Variants in BRI3BP observed in about 807,000 individuals in gnomAD.
BRI3BP encodes the protein BRI3-binding protein.
A neutral mutation model predicts 15.8 loss-of-function variants in BRI3BP; 7 were observed. That is an observed-to-expected ratio of 0.44 (90% confidence interval 0.25 to 0.83). The LOEUF (loss-of-function observed/expected upper bound fraction) is 0.83. BRI3BP is among the 40% of genes least tolerant of loss of function. The probability of loss-of-function intolerance (pLI) is 0.20; values close to 1 mark genes in which losing one functional copy is unlikely to be tolerated. For synonymous variants in BRI3BP, 192 were observed against 163.5 expected (o/e 1.17, Z -1.33); for missense variants, 320 against 339.3 (o/e 0.94, Z 0.45).
intron 2 of BRI3BP, among the ~76,000 whole-genome samples, chr12:125,023,861 A>G (rs1218663732): frequency 2.6e-5 from 4 of 152,192 alleles, no homozygotes; most frequent in African/African-American, 9.7e-5. Flanking sequence ...ACTTGAGGAC[A>G]CTAGTTCAAG....
chr12:125,037,626 A>G, the BRI3BP span, among the ~76,000 whole-genome samples: 1 of 145,996 alleles, frequency 6.8e-6, no homozygotes. Flanking sequence ...CCTGGCCAAT[A>G]TGGTGAAACC....
intron 1 of BRI3BP, among the ~76,000 whole-genome samples, chr12:125,000,603 C>T (rs553942573): frequency 5.3e-4 from 81 of 152,130 alleles, no homozygotes; most frequent in Admixed American, 9.2e-4. Context: ...TGAGCCACCA[C>T]GCCCAGCCTG....
At chr12:125,018,431 C>T (rs755816247) in intron 2 of BRI3BP, among the ~76,000 whole-genome samples, 8 of 152,104 alleles carry the variant, frequency 5.3e-5, no homozygotes, top group South Asian at 4.2e-4. Flanking sequence ...CCAATGTGAC[C>T]GGTGTCCTTA....
At chr12:125,001,077 C>T (rs11057968) in intron 1 of BRI3BP, among the ~76,000 whole-genome samples, 9,147 of 151,514 alleles carry the variant, frequency 0.06, 406 homozygotes, top group Admixed American at 0.14. Flanking sequence ...TTTTTTGAGA[C>T]GGAGTCTTGC....
chr12:125,002,145 A>G (rs142098740), intron 1 of BRI3BP, among the ~76,000 whole-genome samples: 21 of 152,176 alleles, frequency 1.4e-4, no homozygotes, highest in Non-Finnish European at 2.9e-4. Flanking sequence ...CTTTTTGTCT[A>G]TTGTGAATGG....
intron 2 of BRI3BP, among the ~76,000 whole-genome samples, chr12:125,017,835 C>T (rs1484197869): frequency 2.6e-5 from 4 of 152,136 alleles, no homozygotes; most frequent in African/African-American, 4.8e-5. Flanking sequence ...AGTGATGCGT[C>T]GGCACAGGGC....
chr12:125,010,468 C>G (rs1236361220), intron 1 of BRI3BP, among the ~76,000 whole-genome samples: 6 of 152,176 alleles, frequency 3.9e-5, no homozygotes, highest in African/African-American at 7.2e-5. Context: ...ACCATCCAGT[C>G]AGGATATCCA....
chr12:125,041,768 C>A, the BRI3BP span, among the ~76,000 whole-genome samples: 180 of 152,296 alleles, frequency 1.2e-3, no homozygotes, highest in African/African-American at 3.9e-3. Context: ...ATGATCATGG[C>A]TCACTGTGGC....
chr12:124,996,063 A>G (rs928011013), intron 1 of BRI3BP, among the ~76,000 whole-genome samples: 1 of 152,050 alleles, frequency 6.6e-6, no homozygotes. Context: ...ACAGGTGTCC[A>G]CCAGCATGCC....
In BRI3BP at chr12:124,998,276, A is replaced by T. The variant is rs576838778; in HGVS notation, c.213+4273A>T. On this transcript the variant is annotated intron_variant, in intron 1 of 2. Transcript: ENST00000341446. ...CACTGCACTCAAGCCGGGGGAACAG[A>T]GACTCCGTCTCAAAAAAAATTATTA... Among the ~76,000 whole-genome samples, 13 of 152,314 alleles carry T rather than the reference A, an allele frequency of 8.5e-5. No homozygotes were observed. The East Asian group carries it at 2.5e-3, about 29-fold the overall frequency.
In BRI3BP at chr12:125,025,477, G is replaced by C. The variant is rs769503836; in HGVS notation, c.*47G>C. 6.8e-7 allele frequency: 1 copy of C among 1,462,738 alleles called. No homozygotes were observed. The highest frequency in any genetic ancestry group is 1.4e-5 in the African/African-American group (1 of 70,894). The allele number at this position is 1,462,738 out of a possible 1,614,324, so 90.6% of individuals were successfully genotyped here. A position where few individuals can be genotyped will look rare whatever the true frequency, so the allele number is the denominator to read the frequency against. On this transcript the variant is annotated 3_prime_UTR_variant, in exon 3 of 3. Coordinates refer to ENST00000341446, the MANE Select transcript of BRI3BP (RefSeq NM_080626.6). Reference sequence around the variant, plus strand: ...CCACAGTTACCAGCACGCTGTCTCAGAAAACGAAAACGGAGGAAAAAAACC... The same window carrying C: ...CCACAGTTACCAGCACGCTGTCTCACAAAACGAAAACGGAGGAAAAAAACC...
At position 125,012,501 on chromosome 12, in the gene BRI3BP, G is replaced by T. The variant is rs376364785; in HGVS notation, c.214-33G>T. On this transcript the variant is annotated intron_variant, in intron 1 of 2. Transcript: ENST00000341446. ...TGCTTGACTGATGGAGGAAAACAGT[G>T]ATTGGGTGATGACCGTTTTCTTGTT... 27 of 1,509,044 alleles carry T rather than the reference G, an allele frequency of 1.8e-5. No individual in the cohort carries two copies. In the African/African-American group the frequency reaches 3.2e-4, roughly 18 times the overall value. The allele number at this position is 1,509,044 out of a possible 1,614,324, so 93.5% of individuals were successfully genotyped here.
At chr12:125,021,054 G>A (rs561619498) in intron 2 of BRI3BP, among the ~76,000 whole-genome samples, 1 of 152,190 alleles carries the variant, frequency 6.6e-6, no homozygotes, top group African/African-American at 2.4e-5. Flanking sequence ...TGAGAGGTCT[G>A]GGAAACACTG....
At chr12:125,031,574 ATTTTTT>A (rs367625363), downstream of BRI3BP, among the ~76,000 whole-genome samples, 4 of 84,242 alleles carry the variant, frequency 4.7e-5, no homozygotes, top group African/African-American at 1.5e-4. Context: ...TTTTCTTTCT[ATTTTTT>A]TTTTTTTTTT....
chr12:125,035,243 T>C (rs886697946), downstream of BRI3BP, among the ~76,000 whole-genome samples: 16 of 152,222 alleles, frequency 1.1e-4, no homozygotes, highest in African/African-American at 3.9e-4. Context: ...GGTATAGGTT[T>C]AACTTTTTAA....
the BRI3BP span, among the ~76,000 whole-genome samples, chr12:125,037,561 C>T: frequency 1.6e-4 from 24 of 151,724 alleles, no homozygotes; most frequent in African/African-American, 5.1e-4. Context: ...CCTGTAATCC[C>T]GGCACTTTGG....
chr12:125,043,064 T>C, the BRI3BP span, among the ~76,000 whole-genome samples: 5 of 146,440 alleles, frequency 3.4e-5, no homozygotes, highest in African/African-American at 1.3e-4. Flanking sequence ...ATGAGCTTGA[T>C]GGGTTAAAAA....
chr12:125,008,254 C>T (rs1955163883), intron 1 of BRI3BP, among the ~76,000 whole-genome samples: 1 of 151,342 alleles, frequency 6.6e-6, no homozygotes, highest in African/African-American at 2.4e-5. Flanking sequence ...CAGATCCCGC[C>T]GCCTACCCCC....
the BRI3BP span, among the ~76,000 whole-genome samples, chr12:125,040,226 C>T: frequency 1.3e-5 from 2 of 149,658 alleles, no homozygotes; most frequent in African/African-American, 4.9e-5. Context: ...CACACCATTG[C>T]ACTCCAGCCT....
Sources: allele counts gnomAD v4.1 joint callset (sites outside exome capture counted in the v4.1 genomes callset), GRCh38; gene constraint gnomAD v4.1.1; transcripts MANE v1.5; gene names NCBI Gene and HGNC (gene_info 2026-07-23, HGNC 2026-07-21).